Variants in CD163L1 observed in about 807,000 individuals in gnomAD.
The protein encoded by CD163L1 is CD163 molecule like 1.
Under a neutral mutation model 165.4 loss-of-function variants are expected in CD163L1, and 124 were observed. That is an observed-to-expected ratio of 0.75 (90% confidence interval 0.65 to 0.87). The LOEUF (loss-of-function observed/expected upper bound fraction) is 0.87, where lower values mean the gene tolerates loss of function less well. CD163L1 is among the 40% of genes least tolerant of loss of function. The pLI is 0.00. For synonymous variants in CD163L1, 585 were observed against 662.2 expected (o/e 0.88, Z 1.79); for missense variants, 1,525 against 1,799.9 (o/e 0.85, Z 2.76).
chr12:7,400,123 A>G lies in CD163L1; in HGVS notation c.1409-1539T>C, dbSNP rs1372826991. Among the ~76,000 whole-genome samples, 4 of 152,182 alleles carry G rather than the reference A, an allele frequency of 2.6e-5. No individual in the cohort carries two copies. Among genetic ancestry groups the G allele is most frequent in the African/African-American group, 9.6e-5 (4 of 41,452 alleles). On this transcript the variant is annotated intron_variant, in intron 6 of 19. Coordinates refer to ENST00000313599, the MANE Select transcript of CD163L1 (RefSeq NM_174941.6). This position sits in a 1 kb window ranked among gnomAD's most constrained non-coding sequence, Gnocchi z 4.1. ...ATAGGATACCATCATATAGAGATAT[A>G]GAGATTCTGTAAGTTATTTAATCAA...
downstream of CD163L1, among the ~76,000 whole-genome samples, chr12:7,354,207 TTTTG>T (rs1341109948): frequency 1.3e-5 from 2 of 152,084 alleles, no homozygotes; most frequent in Non-Finnish European, 2.9e-5. Flanking sequence ...GGCTTCTTTT[TTTTG>T]TTTGTTTTAC....
At chr12:7,338,290 G>A in the CD163L1 span, among the ~76,000 whole-genome samples, 4 of 151,966 alleles carry the variant, frequency 2.6e-5, no homozygotes, top group East Asian at 1.9e-4. Flanking sequence ...TTCTGCACAC[G>A]TATCCCAGAA....
chr12:7,397,072 G>A (rs1947793253), intron 7 of CD163L1, among the ~76,000 whole-genome samples: 1 of 152,100 alleles, frequency 6.6e-6, no homozygotes. Flanking sequence ...GTATCCAGTA[G>A]TAAAGAGGGC....
At chr12:7,410,095 T>C (rs1948103552) in intron 4 of CD163L1, among the ~76,000 whole-genome samples, 1 of 152,058 alleles carries the variant, frequency 6.6e-6, no homozygotes, top group Admixed American at 6.6e-5. Context: ...AAAAATACAG[T>C]AATTAAATTA....
chr12:7,392,830 A>G (rs754906076), intron 8 of CD163L1, among the ~76,000 whole-genome samples: 3 of 152,216 alleles, frequency 2.0e-5, no homozygotes, highest in Admixed American at 6.5e-5. Context: ...GAAGAAGTGG[A>G]TAAATTCCTG....
intron 4 of CD163L1, among the ~76,000 whole-genome samples, chr12:7,421,395 T>C (rs1447908638): frequency 1.2e-5 from 1 of 81,068 alleles, no homozygotes; most frequent in Non-Finnish European, 2.1e-5. Context: ...GATATATATG[T>C]ATATATATCT....
At chr12:7,428,315 A>G (rs1000025490) in intron 4 of CD163L1, among the ~76,000 whole-genome samples, 13 of 152,110 alleles carry the variant, frequency 8.5e-5, no homozygotes, top group Admixed American at 8.5e-4. Flanking sequence ...TCTATTTAGT[A>G]TGAAATATAC....
intron 18 of CD163L1, among the ~76,000 whole-genome samples, chr12:7,364,039 C>A (rs1946961683): frequency 6.6e-6 from 1 of 151,992 alleles, no homozygotes; most frequent in Admixed American, 6.6e-5. Flanking sequence ...AAAATCCTCA[C>A]CAAAATACTA....
At position 7,374,479 on chromosome 12, in the gene CD163L1, G is replaced by A; in HGVS notation, c.3372C>T (p.Asp1124=). Residue 1124 remains aspartate (D), a synonymous_variant, in exon 13 of 20, where the codon GAC becomes GAT. Transcript: ENST00000313599. The surrounding 1 kb of genome is among the most constrained non-coding windows in gnomAD (Gnocchi z 5.4). ...QCPSRGWGQH[D]CRHKEDAGVI... ...CCCCTGCGTCCTCCTTGTGCCTGCA[G>A]TCGTGCTGCCCCCAGCCGCGGGAAG... is the stretch of plus-strand genomic sequence containing the variant. 1 of 1,614,114 alleles carries A rather than the reference G, an allele frequency of 6.2e-7. No individual in the cohort carries two copies. The highest frequency in any genetic ancestry group is 8.5e-7 in the Non-Finnish European group (1 of 1,179,996).
chr12:7,322,334 C>A, the CD163L1 span: 3 of 1,577,784 alleles, frequency 1.9e-6, no homozygotes, highest in African/African-American at 2.7e-5. Flanking sequence ...AGCTGCTATG[C>A]TTACTGCTTG....
rs1252245287 is a variant in CD163L1 at position 7,403,794 on chromosome 12, C to T, written c.1149G>A (p.Glu383=). The part of the protein sequence containing the change: ...DGSNNCSGRV[E]VRIHEQWWTI... ...TCCACCACTGTTCATGAATTCTCACCTCTACTCTCCCTGAACAATTGTTAC... is the reference window on the plus strand; with the variant it reads ...TCCACCACTGTTCATGAATTCTCACTTCTACTCTCCCTGAACAATTGTTAC... The change falls in exon 6 of 20, where the codon GAG becomes GAA. Residue 383 remains glutamate (E), a synonymous_variant. Coordinates refer to ENST00000313599, the MANE Select transcript of CD163L1 (RefSeq NM_174941.6). 3 of 1,613,794 alleles carry T rather than the reference C, an allele frequency of 1.9e-6. No individual in the cohort carries two copies. The African/African-American group carries it at 4.0e-5, about 22-fold the overall frequency.
intron 4 of CD163L1, among the ~76,000 whole-genome samples, chr12:7,408,774 T>G (rs1461998896): frequency 6.6e-6 from 1 of 152,194 alleles, no homozygotes; most frequent in African/African-American, 2.4e-5. Context: ...CTGCCTCTGC[T>G]TTTGTTATTT....
At chr12:7,376,677 A>G (rs1295254849) in intron 9 of CD163L1, among the ~76,000 whole-genome samples, 1 of 152,160 alleles carries the variant, frequency 6.6e-6, no homozygotes, top group Non-Finnish European at 1.5e-5. Context: ...AGACATTCAA[A>G]TATTTTGAAA....
intron 10 of CD163L1, 43 bp from the exon 11 acceptor site, chr12:7,375,638 A>G: frequency 5.0e-6 from 8 of 1,610,260 alleles, no homozygotes; most frequent in Non-Finnish European, 6.8e-6. Flanking sequence ...ATGACTTATC[A>G]GCTCCAGCCC....
chr12:7,324,502 C>T, the CD163L1 span: 1 of 1,613,920 alleles, frequency 6.2e-7, no homozygotes, highest in Non-Finnish European at 8.5e-7. Flanking sequence ...TCTTCAGGTA[C>T]CGTATTGGGC....
At chr12:7,421,927 T>C (rs1368890269) in intron 4 of CD163L1, among the ~76,000 whole-genome samples, 1 of 151,988 alleles carries the variant, frequency 6.6e-6, no homozygotes, top group South Asian at 2.1e-4. Context: ...ACTACCACAG[T>C]GCTCGAGCTC....
intron 4 of CD163L1, among the ~76,000 whole-genome samples, chr12:7,407,932 CT>C: frequency 6.6e-6 from 1 of 152,046 alleles, no homozygotes; most frequent in Admixed American, 6.6e-5. Flanking sequence ...GCCTTCTAAT[CT>C]GCTGGTTTCA....
At chr12:7,352,540 T>C (rs1946714634), downstream of CD163L1, among the ~76,000 whole-genome samples, 1 of 152,116 alleles carries the variant, frequency 6.6e-6, no homozygotes, top group Non-Finnish European at 1.5e-5. Flanking sequence ...ACTTCAAAAG[T>C]ACTTGAACTT....
intron 3 of CD163L1, among the ~76,000 whole-genome samples, 182 bp downstream of exon 3, chr12:7,433,192 A>G (rs1416039564): frequency 1.3e-5 from 2 of 152,158 alleles, no homozygotes; most frequent in African/African-American, 2.4e-5. Context: ...ACTCAGTTAT[A>G]GTTATAAAAA....
Sources: allele counts gnomAD v4.1 joint callset (sites outside exome capture counted in the v4.1 genomes callset), GRCh38; gene constraint gnomAD v4.1.1; non-coding constraint Gnocchi (gnomAD v3.1); transcripts MANE v1.5; gene names NCBI Gene and HGNC (gene_info 2026-07-23, HGNC 2026-07-21).